Variants in KCNB2 observed in about 807,000 individuals in gnomAD.
The protein encoded by KCNB2 is delayed rectifier potassium channel protein.
KCNB2 carries 15 observed loss-of-function variants against 61.5 expected under a neutral mutation model. The observed-to-expected ratio is 0.24, with a 90% CI of 0.16 to 0.38. The LOEUF (loss-of-function observed/expected upper bound fraction) is 0.38, where lower values mean the gene tolerates loss of function less well. Ranked by LOEUF, KCNB2 falls within the 10% of genes least tolerant of loss-of-function variation. The probability of loss-of-function intolerance (pLI) is 1.00; values close to 1 mark genes in which losing one functional copy is unlikely to be tolerated. For synonymous variants in KCNB2, 457 were observed against 446.0 expected (o/e 1.02, Z -0.31); for missense variants, 828 against 1,125.2 (o/e 0.74, Z 3.78).
At chr8:72,907,927 GAA>G (rs1806207343) in intron 2 of KCNB2, among the ~76,000 whole-genome samples, 1 of 152,030 alleles carries the variant, frequency 6.6e-6, no homozygotes, top group Non-Finnish European at 1.5e-5. Flanking sequence ...TTGAGTTAAG[GAA>G]AAAAGCTGTA....
At chr8:72,613,949 C>T (rs1197750376) in intron 2 of KCNB2, among the ~76,000 whole-genome samples, 2 of 152,200 alleles carry the variant, frequency 1.3e-5, no homozygotes, top group Non-Finnish European at 2.9e-5. Flanking sequence ...TAAACTCCCA[C>T]ACTGTTGCTG....
chr8:72,568,438 A>G (rs1384042604), intron 2 of KCNB2, 125 bp downstream of exon 2: 2 of 782,170 alleles, frequency 2.6e-6, no homozygotes, highest in South Asian at 2.0e-5. Context: ...CAGACAGTGA[A>G]AAAATCCTTT....
At chr8:72,682,575 G>T in intron 2 of KCNB2, among the ~76,000 whole-genome samples, 1 of 148,676 alleles carries the variant, frequency 6.7e-6, no homozygotes, top group South Asian at 2.1e-4. Context: ...AGGAAGTCAT[G>T]GACACTAAAG....
At chr8:72,823,261 G>GTGCAAT (rs1809540931) in intron 2 of KCNB2, among the ~76,000 whole-genome samples, 1 of 152,140 alleles carries the variant, frequency 6.6e-6, no homozygotes, top group Admixed American at 6.6e-5. Context: ...GAGTCATGCT[G>GTGCAAT]TGCAATTTTG....
intron 2 of KCNB2, among the ~76,000 whole-genome samples, chr8:72,737,895 C>A (rs948825399): frequency 9.9e-5 from 15 of 152,140 alleles, no homozygotes; most frequent in African/African-American, 3.6e-4. Context: ...ACACCTCTAT[C>A]AGGTACCACT....
intron 2 of KCNB2, among the ~76,000 whole-genome samples, chr8:72,627,910 T>C (rs979416973): frequency 2.2e-4 from 33 of 152,310 alleles, no homozygotes; most frequent in Admixed American, 2.0e-3. Flanking sequence ...GTGTTATTTT[T>C]ATTAGATTAA....
At chr8:72,916,538 G>A (rs895987181) in intron 2 of KCNB2, among the ~76,000 whole-genome samples, 2 of 152,216 alleles carry the variant, frequency 1.3e-5, no homozygotes, top group Non-Finnish European at 2.9e-5. Flanking sequence ...GAGTGCTACA[G>A]TGCTGTTTTA....
At chr8:72,697,359 C>G (rs1375692421) in intron 2 of KCNB2, among the ~76,000 whole-genome samples, 4 of 152,064 alleles carry the variant, frequency 2.6e-5, no homozygotes, top group Admixed American at 1.3e-4. Context: ...CTACTTTTAC[C>G]TGAGATATTA....
chr8:72,794,519 C>T (rs6472702), intron 2 of KCNB2, among the ~76,000 whole-genome samples: 2,506 of 142,066 alleles, frequency 0.018, 91 homozygotes, highest in African/African-American at 0.063. Context: ...GAGCTGAGAT[C>T]GCGCCACTGC....
At chr8:72,708,385 A>G (rs924665024) in intron 2 of KCNB2, among the ~76,000 whole-genome samples, 5 of 152,190 alleles carry the variant, frequency 3.3e-5, no homozygotes, top group Non-Finnish European at 7.3e-5. Flanking sequence ...GTGGAGGTGA[A>G]TCTGCAATTT....
intron 2 of KCNB2, among the ~76,000 whole-genome samples, chr8:72,905,229 A>C (rs537289421): frequency 2.0e-5 from 3 of 152,154 alleles, no homozygotes; most frequent in Non-Finnish European, 4.4e-5. Flanking sequence ...GAGTGAGCCA[A>C]GTGATGAAAT....
At chr8:72,624,061 TAGG>T (rs1275598842) in intron 2 of KCNB2, among the ~76,000 whole-genome samples, 1 of 152,240 alleles carries the variant, frequency 6.6e-6, no homozygotes, top group Non-Finnish European at 1.5e-5. Flanking sequence ...GAGACGGAAT[TAGG>T]AGCCATGCCT....
At chr8:72,851,798 CT>C (rs67080189) in intron 2 of KCNB2, among the ~76,000 whole-genome samples, 129 of 96,784 alleles carry the variant, frequency 1.3e-3, no homozygotes, top group Admixed American at 2.1e-3. Flanking sequence ...TTTCTTCTTC[CT>C]TTTTTTTTTT....
At chr8:72,561,789 A>ATATGTGTGTATATATATATATATATG (rs1491494090) in intron 1 of KCNB2, among the ~76,000 whole-genome samples, 1 of 33,580 alleles carries the variant, frequency 3.0e-5, no homozygotes, top group Non-Finnish European at 5.5e-5. Context: ...ATATATATAT[A>ATATGTGTGTATATATATATATATATG]CATATATATA....
At chr8:72,652,137 A>C (rs1299915899) in intron 2 of KCNB2, among the ~76,000 whole-genome samples, 1 of 152,156 alleles carries the variant, frequency 6.6e-6, no homozygotes, top group Non-Finnish European at 1.5e-5. Context: ...CCCTTGGACA[A>C]ATTTTGTAAA....
intron 2 of KCNB2, among the ~76,000 whole-genome samples, chr8:72,908,104 T>TC (rs1274558576): frequency 3.3e-5 from 5 of 152,180 alleles, no homozygotes; most frequent in Non-Finnish European, 5.9e-5. Flanking sequence ...GTATTTTTTT[T>TC]CACCTTGCCT....
intron 2 of KCNB2, among the ~76,000 whole-genome samples, chr8:72,795,926 T>C (rs1809024719): frequency 6.6e-6 from 1 of 152,150 alleles, no homozygotes. Context: ...TTGAAAGAGT[T>C]TGAAAGCAGT....
intron 2 of KCNB2, among the ~76,000 whole-genome samples, chr8:72,663,025 G>C: frequency 6.6e-6 from 1 of 152,136 alleles, no homozygotes; most frequent in South Asian, 2.1e-4. Flanking sequence ...TACCATGGAG[G>C]CTGTCCCTGG....
chr8:72,616,443 A>G (rs1805621160), intron 2 of KCNB2, among the ~76,000 whole-genome samples: 1 of 152,170 alleles, frequency 6.6e-6, no homozygotes, highest in Non-Finnish European at 1.5e-5. Flanking sequence ...AAATCACCAA[A>G]GTCAGCCACA....
Sources: allele counts gnomAD v4.1 joint callset (sites outside exome capture counted in the v4.1 genomes callset), GRCh38; gene constraint gnomAD v4.1.1; transcripts MANE v1.5; gene names NCBI Gene and HGNC (gene_info 2026-07-23, HGNC 2026-07-21).